The following CACNA1B variants were observed in gnomAD, a reference collection of about 807,000 sequenced individuals.
CACNA1B encodes the protein calcium voltage-gated channel subunit alpha1 B.
A neutral mutation model predicts 247.2 loss-of-function variants in CACNA1B; 70 were observed. The observed-to-expected ratio is 0.28, with a 90% confidence interval of 0.23 to 0.35. The LOEUF is 0.35. Ranked by LOEUF, CACNA1B falls within the 10% of genes least tolerant of loss-of-function variation. CACNA1B has a pLI of 1.00. For synonymous variants in CACNA1B, 1,231 were observed against 1,294.4 expected (o/e 0.95, Z 1.05); for missense variants, 2,367 against 3,197.4 (o/e 0.74, Z 6.26).
At chr9:137,909,243 G>A (rs1173996786) in intron 3 of CACNA1B, among the ~76,000 whole-genome samples, 1 of 152,152 alleles carries the variant, frequency 6.6e-6, no homozygotes, top group Non-Finnish European at 1.5e-5. Context: ...ACCTGCCTCA[G>A]CCTCTCAAAG....
intron 15 of CACNA1B, among the ~76,000 whole-genome samples, chr9:138,000,155 G>A (rs1248322053): frequency 2.0e-5 from 3 of 150,426 alleles, no homozygotes; most frequent in Non-Finnish European, 3.0e-5. Flanking sequence ...CTGGAGTGCA[G>A]TGGTGCGATC....
At chr9:137,894,493 C>CA (rs1957149654) in intron 3 of CACNA1B, among the ~76,000 whole-genome samples, 1 of 151,914 alleles carries the variant, frequency 6.6e-6, no homozygotes, top group African/African-American at 2.4e-5. Context: ...CAGGTCACTG[C>CA]AAGCCCCTGG....
intron 36 of CACNA1B, among the ~76,000 whole-genome samples, chr9:138,088,371 A>C (rs1018797948): frequency 1.3e-5 from 2 of 152,084 alleles, no homozygotes; most frequent in Admixed American, 1.3e-4. Context: ...TCTGTCTCAA[A>C]AAAAAAAAAA....
At chr9:138,071,710 C>T (rs1589111141) in intron 32 of CACNA1B, among the ~76,000 whole-genome samples, 1 of 152,168 alleles carries the variant, frequency 6.6e-6, no homozygotes, top group East Asian at 1.9e-4. Context: ...TCTCCACGCA[C>T]CTCTCGCCTG....
At chr9:137,879,826 A>T (rs12342927) in intron 2 of CACNA1B, among the ~76,000 whole-genome samples, 4,661 of 152,094 alleles carry the variant, frequency 0.031, 233 homozygotes, top group African/African-American at 0.1. Context: ...GGGTCTCTGG[A>T]GGGGCTGGGT....
chr9:138,105,636 G>A lies in CACNA1B; in HGVS notation c.5320-63G>A, dbSNP rs141016937. 6.2e-4 allele frequency: 538 copies of A among 867,544 alleles called. 7 individuals carry two copies. The highest frequency in any genetic ancestry group is 5.5e-3 in the South Asian group (384 of 70,084). The allele number at this position is 867,544 out of a possible 1,614,324, so 53.7% of individuals were successfully genotyped here. A position where few individuals can be genotyped will look rare whatever the true frequency, so the allele number is the denominator to read the frequency against. ...CAGCATCCAGGGACCCCATCATTGC[G>A]TAGTCTTGGGGTGGGGGGTGACCCC... is the stretch of plus-strand genomic sequence containing the variant. On this transcript the variant is annotated intron_variant, in intron 38 of 46. Transcript: ENST00000371372.
chr9:138,061,071 G>C (rs148484907), intron 31 of CACNA1B, among the ~76,000 whole-genome samples: 1 of 152,190 alleles, frequency 6.6e-6, no homozygotes, highest in Non-Finnish European at 1.5e-5. Context: ...TAATCCAGTC[G>C]CAGTGAAGAC....
intron 10 of CACNA1B, among the ~76,000 whole-genome samples, chr9:137,967,940 C>T (rs1461811057): frequency 2.6e-5 from 4 of 152,214 alleles, no homozygotes; most frequent in Admixed American, 1.3e-4. Context: ...TCCTTGAGCT[C>T]GCGTTCACCT....
At chr9:137,918,253 C>T (rs1957439763) in intron 6 of CACNA1B, among the ~76,000 whole-genome samples, 2 of 151,958 alleles carry the variant, frequency 1.3e-5, no homozygotes, top group African/African-American at 2.4e-5. Context: ...GTTGCCTCTG[C>T]CTGGGTCCCT....
Position 138,020,281 on chromosome 9 carries a change from C to G in CACNA1B, c.2268-2730C>G, listed in dbSNP as rs971026772. On this transcript the variant is annotated intron_variant, in intron 18 of 46. Transcript: ENST00000371372. The surrounding 1 kb of genome is among the most constrained non-coding windows in gnomAD (Gnocchi z 4.1). ...CAGCACCCAGCTGAGCATGGCTGAG[C>G]CCTCCTCCCTGGAACAGCTGGGTTG... Among the ~76,000 whole-genome samples the G allele has an allele frequency of 6.6e-6, 1 of 152,112 alleles. No homozygotes were observed. Among genetic ancestry groups the G allele is most frequent in the Non-Finnish European group, 1.5e-5 (1 of 68,022 alleles).
intron 15 of CACNA1B, among the ~76,000 whole-genome samples, chr9:138,001,343 A>G (rs1958575252): frequency 6.6e-6 from 1 of 152,260 alleles, no homozygotes; most frequent in South Asian, 2.1e-4. Flanking sequence ...GCTAATGGGT[A>G]TGAGTTTCTT....
intron 36 of CACNA1B, among the ~76,000 whole-genome samples, chr9:138,084,549 A>G (rs897928244): frequency 6.6e-6 from 1 of 151,368 alleles, no homozygotes; most frequent in Non-Finnish European, 1.5e-5. Context: ...CAGAGTAACT[A>G]TGCCCTTCCC....
At chr9:137,925,703 T>A (rs966078664) in intron 6 of CACNA1B, among the ~76,000 whole-genome samples, 1 of 152,052 alleles carries the variant, frequency 6.6e-6, no homozygotes, top group South Asian at 2.1e-4. Flanking sequence ...CTTTTTTTTT[T>A]ATTGTGCTAA....
intron 20 of CACNA1B, among the ~76,000 whole-genome samples, chr9:138,042,961 C>T (rs1304754951): frequency 2.0e-5 from 3 of 152,168 alleles, no homozygotes; most frequent in Non-Finnish European, 4.4e-5. Flanking sequence ...AGTCACTGCA[C>T]GTCTTCCTTG....
intron 20 of CACNA1B, among the ~76,000 whole-genome samples, chr9:138,031,918 G>C (rs1284981048): frequency 1.3e-5 from 2 of 152,008 alleles, no homozygotes; most frequent in Admixed American, 6.5e-5. Context: ...ATTTCTTGTA[G>C]ATAGTATTCA....
rs899709001 is a variant in CACNA1B at position 138,054,488 on chromosome 9, G to A, written c.3968+482G>A. ...GGAAGAGCTGGGGGAAAGCTGGTTA[G>A]CTGCCTGTGTGGACCCCGGGCAAGG... On this transcript the variant is annotated intron_variant, in intron 26 of 46. Transcript: ENST00000371372. This position sits in a 1 kb window ranked among gnomAD's most constrained non-coding sequence, Gnocchi z 4.6. 2.0e-5 allele frequency among the ~76,000 whole-genome samples: 3 copies of A among 152,238 alleles called. No individual in the cohort carries two copies. The highest frequency in any genetic ancestry group is 7.2e-5 in the African/African-American group (3 of 41,468).
intron 20 of CACNA1B, among the ~76,000 whole-genome samples, chr9:138,043,199 C>A (rs776983914): frequency 6.6e-6 from 1 of 152,080 alleles, no homozygotes; most frequent in Non-Finnish European, 1.5e-5. Context: ...GGGAAGGAGG[C>A]GACGAGTCGG....
chr9:138,096,715 A>G, intron 37 of CACNA1B, 104 bp downstream of exon 37: 3 of 1,230,084 alleles, frequency 2.4e-6, no homozygotes, highest in Non-Finnish European at 3.4e-6. Flanking sequence ...GCACCCCCTC[A>G]GGTTTTGGTT....
chr9:137,999,947 A>AAT (rs1360358745), intron 15 of CACNA1B, among the ~76,000 whole-genome samples: 1 of 152,250 alleles, frequency 6.6e-6, no homozygotes, highest in Non-Finnish European at 1.5e-5. Flanking sequence ...TGAAGTAGAT[A>AAT]ATTGTACAGC....
Sources: allele counts gnomAD v4.1 joint callset (sites outside exome capture counted in the v4.1 genomes callset), GRCh38; gene constraint gnomAD v4.1.1; non-coding constraint Gnocchi (gnomAD v3.1); transcripts MANE v1.5; gene names NCBI Gene and HGNC (gene_info 2026-07-23, HGNC 2026-07-21).